The following NXPE1 variants were observed in gnomAD, a reference collection of about 807,000 sequenced individuals.
NXPE1 encodes the protein NXPE family member 1.
Under a neutral mutation model 33.3 loss-of-function variants are expected in NXPE1, and 31 were observed. The observed-to-expected ratio is 0.93, with a 90% confidence interval of 0.70 to 1.26. The LOEUF (loss-of-function observed/expected upper bound fraction) is 1.26, where lower values mean the gene tolerates loss of function less well. Among genes scored for constraint, NXPE1 ranks in the 50% most tolerant of loss-of-function variants. The probability of loss-of-function intolerance (pLI) is 0.00; values close to 1 mark genes in which losing one functional copy is unlikely to be tolerated. For missense variants in NXPE1, 661 were observed against 655.6 expected, an observed-to-expected ratio of 1.01 and a Z score of -0.09; for synonymous variants, 229 against 231.4, an observed-to-expected ratio of 0.99 and a Z score of 0.09.
intron 5 of NXPE1, among the ~76,000 whole-genome samples, chr11:114,539,121 C>T (rs112151954): frequency 2.2e-3 from 330 of 152,286 alleles, no homozygotes; most frequent in African/African-American, 7.7e-3. Context: ...TAATGAGTTC[C>T]TGTCCTTTTT....
At chr11:114,519,148 A>G (rs1338298774), downstream of NXPE1, among the ~76,000 whole-genome samples, 1 of 152,196 alleles carries the variant, frequency 6.6e-6, no homozygotes, top group African/African-American at 2.4e-5. Flanking sequence ...CTTTTATATG[A>G]CAAATGTTAA....
At chr11:114,535,525 A>G (rs1319924916) in intron 5 of NXPE1, among the ~76,000 whole-genome samples, 1 of 152,172 alleles carries the variant, frequency 6.6e-6, no homozygotes, top group African/African-American at 2.4e-5. Flanking sequence ...AGTGTGCTGT[A>G]TTCAGGAAAC....
chr11:114,535,786 T>A (rs485388), intron 5 of NXPE1, among the ~76,000 whole-genome samples: 55,068 of 151,934 alleles, frequency 0.36, 10,223 homozygotes, highest in East Asian at 0.66. Context: ...ATAAAGCAAG[T>A]CCTTAGTGAC....
At chr11:114,556,103 CT>C (rs1348712620) in intron 1 of NXPE1, among the ~76,000 whole-genome samples, 1 of 152,182 alleles carries the variant, frequency 6.6e-6, no homozygotes, top group Non-Finnish European at 1.5e-5. Context: ...GAATTTATTG[CT>C]CTTAATCTGT....
chr11:114,523,721 A>G (rs984294676), intron 7 of NXPE1, among the ~76,000 whole-genome samples: 12 of 152,174 alleles, frequency 7.9e-5, no homozygotes, highest in Admixed American at 3.3e-4. Flanking sequence ...TATTACAGGT[A>G]GGTAGCAGTG....
intron 5 of NXPE1, among the ~76,000 whole-genome samples, chr11:114,547,487 C>A (rs1468301625): frequency 6.6e-6 from 1 of 152,186 alleles, no homozygotes; most frequent in Non-Finnish European, 1.5e-5. Flanking sequence ...GTAATCCCAG[C>A]ACTTTGGGAG....
At chr11:114,530,619 T>C (rs769099070) in exon 6 of NXPE1, 36 of 1,614,070 alleles carry the variant, frequency 2.2e-5, no homozygotes, top group East Asian at 1.1e-4. Flanking sequence ...TTGCTTCCTC[T>C]GTCCCAAGTG....
At chr11:114,522,230 A>G (rs1387294750) in exon 9 of NXPE1, 3 of 1,614,024 alleles carry the variant, frequency 1.9e-6, no homozygotes, top group African/African-American at 2.7e-5. Flanking sequence ...CAGTCTTTCA[A>G]TAGCCTTTTG....
At chr11:114,553,046 C>A (rs949117564) in intron 1 of NXPE1, among the ~76,000 whole-genome samples, 166 bp from the exon 2 acceptor site, 3 of 152,150 alleles carry the variant, frequency 2.0e-5, no homozygotes, top group Non-Finnish European at 2.9e-5. Flanking sequence ...ATTACCTCCT[C>A]CCTCACTGCA....
At chr11:114,550,627 A>G (rs74674711) in intron 5 of NXPE1, among the ~76,000 whole-genome samples, 1 of 152,224 alleles carries the variant, frequency 6.6e-6, no homozygotes, top group Non-Finnish European at 1.5e-5. Context: ...AAAAATAAGA[A>G]AACATGGATG....
chr11:114,536,126 A>T (rs1452827571), intron 5 of NXPE1, among the ~76,000 whole-genome samples: 3 of 152,076 alleles, frequency 2.0e-5, no homozygotes, highest in East Asian at 3.9e-4. Flanking sequence ...GGATTAAGAA[A>T]CTCACTCAAA....
At chr11:114,532,819 G>T (rs1271633288) in intron 5 of NXPE1, among the ~76,000 whole-genome samples, 1 of 151,926 alleles carries the variant, frequency 6.6e-6, no homozygotes, top group African/African-American at 2.4e-5. Context: ...GTGAATTCAG[G>T]GTTGTAAAAA....
intron 1 of NXPE1, 68 bp from the exon 2 acceptor site, chr11:114,552,948 G>T: frequency 3.1e-6 from 2 of 648,468 alleles, no homozygotes; most frequent in Non-Finnish European, 3.8e-6. Context: ...TACAGTAGTA[G>T]AAATACCAAA....
chr11:114,522,865 A>C lies in NXPE1; in HGVS notation c.1108+14T>G. ...CAGCCTGAATTTCTAAGAGAATATA[A>C]AGTAACTACCTACTTTTTACAACTT... is the stretch of plus-strand genomic sequence containing the variant. On this transcript the variant is annotated intron_variant, in intron 8 of 8. Coordinates refer to ENST00000534921, the Ensembl canonical transcript of NXPE1. 1.9e-6 allele frequency: 3 copies of C among 1,572,068 alleles called. No individual in the cohort carries two copies. The highest frequency in any genetic ancestry group is 1.7e-4 in the Middle Eastern group (1 of 5,976).
chr11:114,524,503 C>T (rs1386291486), intron 7 of NXPE1, among the ~76,000 whole-genome samples: 2 of 152,012 alleles, frequency 1.3e-5, no homozygotes, highest in African/African-American at 4.8e-5. Context: ...GCTCTTAAGT[C>T]CTGGTGATTT....
At chr11:114,520,936 A>G (rs1947197508), downstream of NXPE1, among the ~76,000 whole-genome samples, 1 of 152,242 alleles carries the variant, frequency 6.6e-6, no homozygotes, top group Non-Finnish European at 1.5e-5. Context: ...AATAAAGCTA[A>G]GTTTGAGCAG....
At chr11:114,521,884 T>TA in exon 9 of NXPE1, 1 of 1,094,548 alleles carries the variant, frequency 9.1e-7, no homozygotes, top group Non-Finnish European at 1.3e-6. Context: ...CCTTAGTTCC[T>TA]AAAATGAGTA....
intron 1 of NXPE1, among the ~76,000 whole-genome samples, chr11:114,557,821 A>G (rs1252905899): frequency 6.6e-6 from 1 of 151,768 alleles, no homozygotes; most frequent in Non-Finnish European, 1.5e-5. Context: ...ACAAATTCTC[A>G]AGGTTACATT....
chr11:114,530,455 G>A (rs771343665), exon 6 of NXPE1: 3 of 1,614,192 alleles, frequency 1.9e-6, no homozygotes, highest in South Asian at 1.1e-5. Context: ...CCTTCACTGG[G>A]GTGGATGAGC....
Sources: allele counts gnomAD v4.1 joint callset (sites outside exome capture counted in the v4.1 genomes callset), GRCh38; gene constraint gnomAD v4.1.1; transcripts MANE v1.5; gene names NCBI Gene and HGNC (gene_info 2026-07-23, HGNC 2026-07-21).